PITPNC1: variants seen among roughly 807,000 people sequenced by gnomAD.
PITPNC1 encodes phosphatidylinositol transfer protein cytoplasmic 1, also known as cytoplasmic phosphatidylinositol transfer protein 1.
Under a neutral mutation model 44.7 loss-of-function variants are expected in PITPNC1, and 18 were observed. The ratio of observed to expected loss-of-function variants is 0.40; its 90% CI spans 0.28 to 0.60. The LOEUF is 0.60. Among genes scored for constraint, PITPNC1 ranks in the 20% least tolerant of loss-of-function variants. The pLI, the probability that PITPNC1 is intolerant of heterozygous loss-of-function variation, is 0.39. For missense variants in PITPNC1, 290 were observed against 418.4 expected (o/e 0.69, Z 2.68); for synonymous variants, 141 against 149.6 (o/e 0.94, Z 0.42).
At chr17:67,685,883 T>G (rs542447171) in intron 8 of PITPNC1, among the ~76,000 whole-genome samples, 1 of 152,124 alleles carries the variant, frequency 6.6e-6, no homozygotes, top group East Asian at 1.9e-4. Flanking sequence ...CAGGCTGGAG[T>G]GCAGTGGTGT....
intron 1 of PITPNC1, among the ~76,000 whole-genome samples, chr17:67,496,010 CTCTT>C (rs1203501780): frequency 2.6e-5 from 4 of 152,052 alleles, no homozygotes; most frequent in South Asian, 4.1e-4. Context: ...TTATTTTTGA[CTCTT>C]TATGCTTATA....
intron 1 of PITPNC1, among the ~76,000 whole-genome samples, chr17:67,425,699 A>ATT (rs34430449): frequency 6.7e-5 from 10 of 149,796 alleles, no homozygotes; most frequent in South Asian, 4.2e-4. Context: ...TTAAAAAAAA[A>ATT]TTTTTTTTTT....
chr17:67,378,819 T>C (rs908328493), intron 1 of PITPNC1: 2 of 228,890 alleles, frequency 8.7e-6, no homozygotes, highest in Non-Finnish European at 1.4e-5. Flanking sequence ...TCGGAAACTT[T>C]CTGCGTCTCT....
At chr17:67,492,799 G>C (rs151169636) in intron 1 of PITPNC1, among the ~76,000 whole-genome samples, 1 of 152,180 alleles carries the variant, frequency 6.6e-6, no homozygotes, top group Non-Finnish European at 1.5e-5. Context: ...TCCCCTCCAC[G>C]CTTTGTGAGA....
intron 5 of PITPNC1, among the ~76,000 whole-genome samples, chr17:67,615,967 C>T (rs1329594391): frequency 1.3e-5 from 2 of 152,086 alleles, no homozygotes; most frequent in Non-Finnish European, 2.9e-5. Context: ...TACTTTGCAC[C>T]AAAATTAGGC....
intron 4 of PITPNC1, among the ~76,000 whole-genome samples, chr17:67,561,979 G>A (rs564071020): frequency 6.6e-6 from 1 of 152,154 alleles, no homozygotes; most frequent in Non-Finnish European, 1.5e-5. Context: ...ATTATAGTAT[G>A]TAGATATCAG....
At chr17:67,402,907 T>C (rs2038339735) in intron 1 of PITPNC1, among the ~76,000 whole-genome samples, 1 of 152,180 alleles carries the variant, frequency 6.6e-6, no homozygotes. Flanking sequence ...CCTCAAGTGA[T>C]CTGCCCACCT....
At chr17:67,507,781 T>C (rs2040126929) in intron 1 of PITPNC1, among the ~76,000 whole-genome samples, 1 of 151,796 alleles carries the variant, frequency 6.6e-6, no homozygotes, top group Admixed American at 6.6e-5. Context: ...TCCTGGTTTG[T>C]TCTTTCTCTT....
chr17:67,390,636 C>G (rs1189452656), intron 1 of PITPNC1, among the ~76,000 whole-genome samples: 2 of 152,216 alleles, frequency 1.3e-5, no homozygotes, highest in Non-Finnish European at 2.9e-5. Flanking sequence ...GGGTGGCTAA[C>G]TGGCTATTTA....
intron 1 of PITPNC1, among the ~76,000 whole-genome samples, chr17:67,413,823 A>G (rs1471451173): frequency 6.6e-6 from 1 of 152,120 alleles, no homozygotes; most frequent in African/African-American, 2.4e-5. Context: ...GTTGTTAAGG[A>G]CAAGGCAGGA....
At chr17:67,472,513 G>A (rs1056748915) in intron 1 of PITPNC1, among the ~76,000 whole-genome samples, 5 of 151,584 alleles carry the variant, frequency 3.3e-5, no homozygotes, top group South Asian at 4.2e-4. Flanking sequence ...CGGGCGTGGT[G>A]GTGGGCGCCT....
At chr17:67,512,500 C>CAAAAAAAAA (rs1006177232) in intron 1 of PITPNC1, among the ~76,000 whole-genome samples, 1 of 59,690 alleles carries the variant, frequency 1.7e-5, no homozygotes, top group African/African-American at 6.6e-5. Context: ...GACTGTGTCT[C>CAAAAAAAAA]AAAAAAAAAA....
chr17:67,615,388 C>T (rs917086044), intron 5 of PITPNC1, among the ~76,000 whole-genome samples: 6 of 152,152 alleles, frequency 3.9e-5, no homozygotes, highest in South Asian at 2.1e-4. Context: ...CTAAGTACCT[C>T]GGGACGCTTG....
chr17:67,691,842 C>T (rs889515599), intron 8 of PITPNC1, among the ~76,000 whole-genome samples: 6 of 151,994 alleles, frequency 3.9e-5, no homozygotes, highest in Non-Finnish European at 7.4e-5. Context: ...CCTGTCTCTA[C>T]AGAAAATACA....
At chr17:67,601,853 C>A (rs2041544676) in intron 5 of PITPNC1, among the ~76,000 whole-genome samples, 1 of 151,978 alleles carries the variant, frequency 6.6e-6, no homozygotes, top group South Asian at 2.1e-4. Context: ...GAAGGAAAAG[C>A]AGGGCAGGCA....
At chr17:67,495,361 G>A (rs1267822482) in intron 1 of PITPNC1, among the ~76,000 whole-genome samples, 1 of 152,058 alleles carries the variant, frequency 6.6e-6, no homozygotes, top group African/African-American at 2.4e-5. Flanking sequence ...CCCGGCCTCT[G>A]AGCCACGGAG....
chr17:67,630,706 T>C (rs146546157), intron 5 of PITPNC1, among the ~76,000 whole-genome samples: 1,669 of 151,626 alleles, frequency 0.011, 33 homozygotes, highest in Admixed American at 0.044. Flanking sequence ...ATTTTTCCAC[T>C]GAAATTTAGA....
chr17:67,514,875 T>C (rs569155239), intron 1 of PITPNC1, among the ~76,000 whole-genome samples: 1 of 152,222 alleles, frequency 6.6e-6, no homozygotes, highest in South Asian at 2.1e-4. Context: ...AAGATAACTC[T>C]GCCAACAGAC....
intron 5 of PITPNC1, among the ~76,000 whole-genome samples, chr17:67,600,947 C>T (rs1443780471): frequency 6.6e-6 from 1 of 151,856 alleles, no homozygotes; most frequent in African/African-American, 2.4e-5. Flanking sequence ...CTTATTTAGC[C>T]CTTATGTTCC....
Sources: allele counts gnomAD v4.1 joint callset (sites outside exome capture counted in the v4.1 genomes callset), GRCh38; gene constraint gnomAD v4.1.1; transcripts MANE v1.5; gene names NCBI Gene and HGNC (gene_info 2026-07-23, HGNC 2026-07-21).